The following SPPL2B variants were observed in gnomAD, a reference collection of about 807,000 sequenced individuals.
The protein encoded by SPPL2B is signal peptide peptidase like 2B, also known as signal peptide peptidase-like 2B.
Under a neutral mutation model 59.7 loss-of-function variants are expected in SPPL2B, and 39 were observed. The observed-to-expected ratio is 0.65, with a 90% CI of 0.51 to 0.85. The LOEUF is 0.85. Among genes scored for constraint, SPPL2B ranks in the 40% least tolerant of loss-of-function variants. The pLI, the probability that SPPL2B is intolerant of heterozygous loss-of-function variation, is 0.00. For synonymous variants in SPPL2B, 419 were observed against 370.8 expected (o/e 1.13, Z -1.49); for missense variants, 865 against 849.0 (o/e 1.02, Z -0.23).
chr19:2,349,635 C>T (rs866344633), intron 13 of SPPL2B, among the ~76,000 whole-genome samples: 4 of 62,250 alleles, frequency 6.4e-5, no homozygotes, highest in African/African-American at 2.1e-4. Context: ...CGCTCTCATT[C>T]GCTTGATTCC....
chr19:2,340,219 T>C (rs1282553977), intron 7 of SPPL2B, 47 bp downstream of exon 7: 1 of 1,417,594 alleles, frequency 7.1e-7, no homozygotes, highest in African/African-American at 1.4e-5. Flanking sequence ...TGTGCGGTGA[T>C]GGCCACGGCC....
chr19:2,335,216 C>G (rs981220098), intron 2 of SPPL2B, among the ~76,000 whole-genome samples: 4 of 86,334 alleles, frequency 4.6e-5, no homozygotes, highest in South Asian at 7.6e-4. Context: ...CGCCTCCTTT[C>G]CACTGCATCC....
intron 8 of SPPL2B, chr19:2,342,955 G>T: frequency 1.9e-6 from 1 of 522,938 alleles, no homozygotes; most frequent in Non-Finnish European, 3.5e-6. Flanking sequence ...TGTCCTGGCT[G>T]CCGAGTGGTG....
intron 2 of SPPL2B, among the ~76,000 whole-genome samples, chr19:2,336,476 AGTGT>A (rs772655380): frequency 2.0e-5 from 3 of 147,754 alleles, no homozygotes; most frequent in Admixed American, 6.7e-5. Context: ...TGTGTGCATG[AGTGT>A]GTGTGAGTGC....
At chr19:2,348,258 T>G (rs867513419) in intron 13 of SPPL2B, among the ~76,000 whole-genome samples, 1 of 81,598 alleles carries the variant, frequency 1.2e-5, no homozygotes, top group Non-Finnish European at 2.4e-5. Context: ...CCACACACAC[T>G]CACGCACTCT....
At position 2,344,744 on chromosome 19, in the gene SPPL2B, C is replaced by T. The variant is rs375844776; in HGVS notation, c.1276+92C>T. 1,057 of 810,552 alleles carry T rather than the reference C, an allele frequency of 1.3e-3. 22 individuals are homozygous for T. The South Asian group carries it at 0.014, about 11-fold the overall frequency. 50.2% of individuals were successfully genotyped at this position (810,552 alleles called of 1,614,324 possible). On this transcript the variant is annotated intron_variant, in intron 12 of 14. Coordinates refer to ENST00000613503, the MANE Select transcript of SPPL2B (RefSeq NM_152988.3). ...CTTTGGGAGTGAGTGGCCCGCACACCGTCGGCTGGAGATAAAGCCCTGAGG... is the reference window on the plus strand; with the variant it reads ...CTTTGGGAGTGAGTGGCCCGCACACTGTCGGCTGGAGATAAAGCCCTGAGG...
intron 5 of SPPL2B, chr19:2,339,542 C>T: frequency 1.7e-6 from 1 of 585,480 alleles, no homozygotes; most frequent in South Asian, 2.0e-5. Context: ...ATGTCCAGGG[C>T]TCTTTATGCA....
Position 2,339,811 on chromosome 19 carries a change from G to T in SPPL2B, c.600-13G>T. The T allele has an allele frequency of 6.2e-7, 1 of 1,603,326 alleles. No individual in the cohort carries two copies. Among genetic ancestry groups the T allele is most frequent in the South Asian group, 1.1e-5 (1 of 89,044 alleles). ...CGGCCCCAGGGCCCCACGACCCCAT[G>T]GTGTCTCCCAAGAAGGTACATGAAG... On this transcript the variant is annotated splice_polypyrimidine_tract_variant and intron_variant, in intron 5 of 14. Transcript: ENST00000613503.
chr19:2,340,143 T>G lies in SPPL2B; in HGVS notation c.810T>G (p.Cys270Trp). 1 of 1,584,402 alleles carries G rather than the reference T, an allele frequency of 6.3e-7. No individual in the cohort carries two copies. The highest frequency in any genetic ancestry group is 8.5e-7 in the Non-Finnish European group (1 of 1,171,872). Residue 270 changes from cysteine to tryptophan, a missense_variant, in exon 7 of 15, where the codon TGT (cysteine) becomes TGG (tryptophan). Coordinates refer to ENST00000613503, the MANE Select transcript of SPPL2B (RefSeq NM_152988.3). ...ATGLYSCLAP[C>W]VRRLPFGKCR... ...GCCTCTACAGCTGCCTGGCGCCCTG[T>G]GTGCGGCGGCTGCCCTTCGGCAAGT...
chr19:2,337,320 G>A (rs991746668), intron 2 of SPPL2B, 123 bp from the exon 3 acceptor site: 57 of 948,682 alleles, frequency 6.0e-5, no homozygotes, highest in Admixed American at 3.8e-4. Flanking sequence ...GGCCGAGGCC[G>A]TGCGGGGCTT....
chr19:2,350,263 C>T (rs1969837918), intron 13 of SPPL2B, among the ~76,000 whole-genome samples: 1 of 144,794 alleles, frequency 6.9e-6, no homozygotes, highest in Non-Finnish European at 1.5e-5. Context: ...CTCTTATTCG[C>T]TTGATTCCGT....
intron 1 of SPPL2B, among the ~76,000 whole-genome samples, chr19:2,329,072 G>A (rs1968145531): frequency 6.6e-6 from 1 of 152,218 alleles, no homozygotes; most frequent in African/African-American, 2.4e-5. Flanking sequence ...CTCCGTTTCG[G>A]GGTCTCCAGT....
intron 8 of SPPL2B, chr19:2,341,339 G>A (rs780124664): frequency 1.8e-6 from 1 of 543,586 alleles, no homozygotes; most frequent in South Asian, 1.5e-5. Context: ...GTCCCCCGCT[G>A]TCCCTTTCCT....
intron 1 of SPPL2B, among the ~76,000 whole-genome samples, chr19:2,334,241 G>A (rs757508215): frequency 6.6e-6 from 1 of 151,704 alleles, no homozygotes; most frequent in Non-Finnish European, 1.5e-5. Flanking sequence ...GGCTCTGCCC[G>A]TGGCTCTGCC....
At position 2,332,888 on chromosome 19, in the gene SPPL2B, G is replaced by C. The variant is rs926059283; in HGVS notation, c.67-1714G>C. 5.3e-5 allele frequency among the ~76,000 whole-genome samples: 8 copies of C among 152,130 alleles called. No homozygotes were observed. Among genetic ancestry groups the C allele is most frequent in the Admixed American group, 3.3e-4 (5 of 15,274 alleles). On this transcript the variant is annotated intron_variant, in intron 1 of 14. Coordinates refer to ENST00000613503, the MANE Select transcript of SPPL2B (RefSeq NM_152988.3). The surrounding 1 kb of genome is among the most constrained non-coding windows in gnomAD (Gnocchi z 4.6). ...ATGGAGATGTCTTTGTCAGCTGCTG[G>C]GTGGGGGCCCTGGGCAGGGGAGCAG...
In SPPL2B at chr19:2,343,364, T is replaced by C. The variant is rs561477259; in HGVS notation, c.1038+72T>C. ...GCCCTTCATCCTAGCCTGGCCCGTG[T>C]GGGGCTGTGGTCCTTGCAGGTCTGT... is the stretch of plus-strand genomic sequence containing the variant. On this transcript the variant is annotated intron_variant, in intron 9 of 14. Coordinates refer to ENST00000613503, the MANE Select transcript of SPPL2B (RefSeq NM_152988.3). 983 of 1,271,038 alleles carry C rather than the reference T, an allele frequency of 7.7e-4. 3 individuals carry two copies. In the African/African-American group the frequency reaches 0.013, roughly 17 times the overall value. The allele number at this position is 1,271,038 out of a possible 1,614,324, so 78.7% of individuals were successfully genotyped here.
intron 8 of SPPL2B, 163 bp from the exon 9 acceptor site, chr19:2,343,048 C>T: frequency 3.2e-6 from 2 of 625,524 alleles, no homozygotes; most frequent in East Asian, 5.5e-5. Flanking sequence ...CAGCAGGGGT[C>T]CTCCCACAGG....
Position 2,337,751 on chromosome 19 carries a change from AGG to A in SPPL2B, c.369+127_369+128del. The A allele has an allele frequency of 3.0e-6, 3 of 1,000,386 alleles. No individual in the cohort carries two copies. The South Asian group carries it at 5.3e-5, about 18-fold the overall frequency. 62.0% of individuals were successfully genotyped at this position (1,000,386 alleles called of 1,614,324 possible). A position where few individuals can be genotyped will look rare whatever the true frequency, so the allele number is the denominator to read the frequency against. On this transcript the variant is annotated intron_variant, in intron 3 of 14. Transcript: ENST00000613503. ...GCTAAAGGCAGATCCATCTGTGGGG[AGG>A]ATCTGGGCCGAGTGTGAACATGGGG...
chr19:2,335,960 TG>T (rs1248845639), intron 2 of SPPL2B, among the ~76,000 whole-genome samples: 2 of 150,040 alleles, frequency 1.3e-5, no homozygotes, highest in African/African-American at 5.0e-5. Flanking sequence ...TGTGCCTGAG[TG>T]TTTTTTTGTG....
Sources: allele counts gnomAD v4.1 joint callset (sites outside exome capture counted in the v4.1 genomes callset), GRCh38; gene constraint gnomAD v4.1.1; non-coding constraint Gnocchi (gnomAD v3.1); transcripts MANE v1.5; gene names NCBI Gene and HGNC (gene_info 2026-07-23, HGNC 2026-07-21).